Variants in SP4 observed in about 807,000 individuals in gnomAD.
SP4 encodes transcription factor Sp4.
In SP4, 19 loss-of-function variants were observed where a neutral mutation model predicts 72.8. The ratio of observed to expected loss-of-function variants is 0.26; its 90% confidence interval spans 0.18 to 0.38. The LOEUF is 0.38. Ranked by LOEUF, SP4 falls within the 10% of genes least tolerant of loss-of-function variation. The pLI, the probability that SP4 is intolerant of heterozygous loss-of-function variation, is 1.00. For missense variants in SP4, 1,008 were observed against 926.3 expected, an observed-to-expected ratio of 1.09 and a Z score of -1.14; for synonymous variants, 395 against 333.1, an observed-to-expected ratio of 1.19 and a Z score of -2.02.
chr7:21,484,167 GTA>G (rs1784756950), intron 5 of SP4, among the ~76,000 whole-genome samples: 1 of 151,810 alleles, frequency 6.6e-6, no homozygotes, highest in Non-Finnish European at 1.5e-5. Context: ...ATACAAATGA[GTA>G]CAGATTGAGT....
At position 21,511,931 on chromosome 7, in the gene SP4, C is replaced by T. The variant is rs1198358055; in HGVS notation, c.*662C>T. ...CAATTACTTTCTCCATTTGGAGACA[C>T]AAGAGGAACATAGAGTTAAATCTTA... On this transcript the variant is annotated 3_prime_UTR_variant, in exon 6 of 6. Transcript: ENST00000222584. 6.6e-6 allele frequency: 1 copy of T among 152,492 alleles called. No individual in the cohort carries two copies. The highest frequency in any genetic ancestry group is 2.4e-5 in the African/African-American group (1 of 41,402). 9.4% of individuals were successfully genotyped at this position (152,492 alleles called of 1,614,324 possible). A position where few individuals can be genotyped will look rare whatever the true frequency, so the allele number is the denominator to read the frequency against.
At chr7:21,431,674 G>C (rs981081382) in intron 3 of SP4, among the ~76,000 whole-genome samples, 2 of 152,162 alleles carry the variant, frequency 1.3e-5, no homozygotes, top group African/African-American at 4.8e-5. Context: ...TTGGGAAGTA[G>C]TTTTAATCTT....
chr7:21,491,998 A>G (rs1784991103), intron 5 of SP4, among the ~76,000 whole-genome samples: 1 of 152,234 alleles, frequency 6.6e-6, no homozygotes, highest in Non-Finnish European at 1.5e-5. Flanking sequence ...GCCAAAAGAA[A>G]TGCTAAATAC....
At chr7:21,497,321 G>A (rs551424810) in intron 5 of SP4, among the ~76,000 whole-genome samples, 2 of 152,212 alleles carry the variant, frequency 1.3e-5, no homozygotes, top group South Asian at 4.1e-4. Context: ...AATTCAGGCT[G>A]TTATTTTTCA....
chr7:21,467,482 A>G (rs1784201466), intron 3 of SP4, among the ~76,000 whole-genome samples: 1 of 152,168 alleles, frequency 6.6e-6, no homozygotes, highest in African/African-American at 2.4e-5. Flanking sequence ...ATGACCTCAT[A>G]AAGAAACCCT....
At chr7:21,498,255 TAG>T (rs1257855891) in intron 5 of SP4, among the ~76,000 whole-genome samples, 2 of 152,058 alleles carry the variant, frequency 1.3e-5, no homozygotes, top group African/African-American at 4.8e-5. Context: ...AAAAGTAATC[TAG>T]AGATGATTTA....
chr7:21,487,893 T>C (rs1029314944), intron 5 of SP4, among the ~76,000 whole-genome samples: 17 of 151,956 alleles, frequency 1.1e-4, no homozygotes, highest in Non-Finnish European at 2.4e-4. Context: ...ACAGGGTCTC[T>C]GTCTGTCACC....
chr7:21,433,039 C>T (rs1180530018), intron 3 of SP4, among the ~76,000 whole-genome samples: 2 of 152,164 alleles, frequency 1.3e-5, no homozygotes, highest in Non-Finnish European at 2.9e-5. Context: ...GTCTGGTCAT[C>T]AGCAGTGAAC....
At chr7:21,466,917 C>T (rs1029328082) in intron 3 of SP4, among the ~76,000 whole-genome samples, 14 of 151,446 alleles carry the variant, frequency 9.2e-5, no homozygotes, top group African/African-American at 3.4e-4. Flanking sequence ...CATATAGTTT[C>T]TGTTTTTGTG....
chr7:21,444,949 C>T (rs902763092), intron 3 of SP4, among the ~76,000 whole-genome samples: 1 of 152,078 alleles, frequency 6.6e-6, no homozygotes. Flanking sequence ...GCTGAGTGCT[C>T]CACTCCTTGT....
At chr7:21,445,552 AACAG>A (rs1783393285) in intron 3 of SP4, among the ~76,000 whole-genome samples, 1 of 152,148 alleles carries the variant, frequency 6.6e-6, no homozygotes, top group African/African-American at 2.4e-5. Flanking sequence ...GGGGAAACAA[AACAG>A]ACATGTTCTT....
At position 21,489,334 on chromosome 7, in the gene SP4, G is replaced by A. The variant is rs114218284; in HGVS notation, c.2107+7211G>A. The stretch of plus-strand genomic sequence containing the variant: ...TGAAGTTTTCTCACAGAATTTTGTT[G>A]TTGTTGTTGTTGCTGAGACCATGTC... On this transcript the variant is annotated intron_variant, in intron 5 of 5. Transcript: ENST00000222584. Among the ~76,000 whole-genome samples the A allele has an allele frequency of 9.4e-3, 1,428 of 152,008 alleles. 16 individuals carry two copies. The highest frequency in any genetic ancestry group is 0.032 in the African/African-American group (1,317 of 41,492).
chr7:21,484,622 G>A (rs1784766471), intron 5 of SP4, among the ~76,000 whole-genome samples: 1 of 151,840 alleles, frequency 6.6e-6, no homozygotes, highest in African/African-American at 2.4e-5. Flanking sequence ...TTCCATACCA[G>A]TTGTTGATAT....
chr7:21,504,746 G>C (rs764700856), intron 5 of SP4, among the ~76,000 whole-genome samples: 4 of 152,058 alleles, frequency 2.6e-5, no homozygotes, highest in Admixed American at 6.6e-5. Context: ...ACTATCTCCC[G>C]GCTTTTGGTT....
chr7:21,428,183 G>GCCCCCCCCC lies in SP4; in HGVS notation c.-67_-66insCCCCCCCCC. 1 of 370,466 alleles carries GCCCCCCCCC rather than the reference G, an allele frequency of 2.7e-6. No homozygotes were observed. The allele number at this position is 370,466 out of a possible 1,614,324, so 22.9% of individuals were successfully genotyped here. On this transcript the variant is annotated 5_prime_UTR_variant, in exon 1 of 6. Transcript: ENST00000222584. ...GCGGGCGGGACCGGCCTCTCCTCCC[G>GCCCCCCCCC]CCTCGCCCCCACCCCCACCCACCTC...
chr7:21,461,656 C>T (rs562853818), intron 3 of SP4, among the ~76,000 whole-genome samples: 37 of 152,300 alleles, frequency 2.4e-4, no homozygotes, highest in African/African-American at 8.9e-4. Flanking sequence ...CCGAGGGAGC[C>T]AGCTGCAGCC....
chr7:21,445,656 G>T (rs1008538348), intron 3 of SP4, among the ~76,000 whole-genome samples: 1 of 152,056 alleles, frequency 6.6e-6, no homozygotes, highest in Non-Finnish European at 1.5e-5. Context: ...GAAAATCAAG[G>T]CTTAGAAAGT....
Position 21,511,316 on chromosome 7 carries a change from C to A in SP4, c.*47C>A. On this transcript the variant is annotated 3_prime_UTR_variant, in exon 6 of 6. Transcript: ENST00000222584. ...CTCTAGTGCTGCACTTGTTTACACA[C>A]CTTTGAAAATCTGGAAATGGGCTGG... The A allele has an allele frequency of 6.4e-7, 1 of 1,564,078 alleles. No homozygotes were observed. Among genetic ancestry groups the A allele is most frequent in the Non-Finnish European group, 8.7e-7 (1 of 1,150,304 alleles).
chr7:21,481,941 G>GA lies in SP4; in HGVS notation c.1931dup (p.Lys645GlufsTer8). 6.2e-7 allele frequency: 1 copy of GA among 1,613,876 alleles called. No homozygotes were observed. The highest frequency in any genetic ancestry group is 8.5e-7 in the Non-Finnish European group (1 of 1,179,830). On this transcript the variant is annotated frameshift_variant, in exon 5 of 6. Coordinates refer to ENST00000222584, the MANE Select transcript of SP4 (RefSeq NM_003112.5). LOFTEE classifies it high-confidence loss of function. Reference sequence around the variant, plus strand: ...TTTGCTAGAGGCAGTAATGAACCAGGAAAAAAGAAGCAGCATATCTGTCAT... The same window carrying GA: ...TTTGCTAGAGGCAGTAATGAACCAGGAAAAAAAGAAGCAGCATATCTGTCAT...
Sources: gnomAD v4.1 joint callset for allele counts (sites outside exome capture counted in the v4.1 genomes callset) on GRCh38, gnomAD v4.1.1 for gene constraint, MANE v1.5 for transcripts, NCBI Gene and HGNC (gene_info 2026-07-23, HGNC 2026-07-21) for gene names.